The following CFAP20DC variants were observed in gnomAD, a reference collection of about 807,000 sequenced individuals.
CFAP20DC encodes the protein protein CFAP20DC.
CFAP20DC carries 84 observed loss-of-function variants against 101.7 expected under a neutral mutation model. The ratio of observed to expected loss-of-function variants is 0.83; its 90% CI spans 0.69 to 0.99. The LOEUF is 0.99. Ranked by LOEUF, CFAP20DC falls within the 50% of genes least tolerant of loss-of-function variation. The pLI is 0.00. For missense variants in CFAP20DC, 1,007 were observed against 970.3 expected (o/e 1.04, Z -0.50); for synonymous variants, 359 against 351.2 (o/e 1.02, Z -0.25).
At chr3:58,984,564 T>G (rs1210194125) in intron 4 of CFAP20DC, among the ~76,000 whole-genome samples, 3 of 152,188 alleles carry the variant, frequency 2.0e-5, no homozygotes, top group Non-Finnish European at 4.4e-5. Context: ...AGCTTACAGT[T>G]GAGAAGTAAT....
intron 7 of CFAP20DC, among the ~76,000 whole-genome samples, chr3:58,871,496 C>T (rs2080211503): frequency 6.6e-6 from 1 of 151,208 alleles, no homozygotes; most frequent in African/African-American, 2.4e-5. Context: ...CATACCCTGT[C>T]GTTATATGGG....
intron 16 of CFAP20DC, among the ~76,000 whole-genome samples, chr3:58,744,853 G>T (rs1265888330): frequency 6.6e-6 from 1 of 152,166 alleles, no homozygotes; most frequent in Non-Finnish European, 1.5e-5. Flanking sequence ...GTGAAGCAGA[G>T]AGTGGGGCAA....
chr3:58,846,217 T>A (rs1374138285), intron 13 of CFAP20DC, among the ~76,000 whole-genome samples: 22 of 151,360 alleles, frequency 1.5e-4, no homozygotes, highest in African/African-American at 4.6e-4. Context: ...AAAGAGGAAG[T>A]CAAATTGTCC....
intron 13 of CFAP20DC, among the ~76,000 whole-genome samples, chr3:58,848,023 G>C (rs1271635417): frequency 1.8e-5 from 2 of 112,486 alleles, no homozygotes; most frequent in Non-Finnish European, 3.7e-5. Context: ...GTTGTGGGGT[G>C]GGGGGAGGGG....
chr3:58,890,408 C>T (rs1208825645), intron 6 of CFAP20DC, among the ~76,000 whole-genome samples: 5 of 145,128 alleles, frequency 3.4e-5, no homozygotes, highest in East Asian at 2.1e-4. Context: ...CCTCACCTCC[C>T]GGACGGGGTG....
chr3:58,808,357 G>T (rs556564462), intron 14 of CFAP20DC, among the ~76,000 whole-genome samples: 110 of 152,350 alleles, frequency 7.2e-4, no homozygotes, highest in African/African-American at 2.6e-3. Context: ...CAGACTAACA[G>T]CTGATCTCTC....
intron 4 of CFAP20DC, among the ~76,000 whole-genome samples, chr3:58,938,917 A>C (rs1576399319): frequency 6.6e-6 from 1 of 152,208 alleles, no homozygotes; most frequent in Non-Finnish European, 1.5e-5. Flanking sequence ...ACGTCTTTCA[A>C]TCCATAGTCA....
Position 59,015,812 on chromosome 3 carries a change from G to A in CFAP20DC, c.278+23745C>T, listed in dbSNP as rs116655827. Among the ~76,000 whole-genome samples the A allele has an allele frequency of 7.9e-4, 120 of 152,258 alleles. No individual in the cohort carries two copies. Among genetic ancestry groups the A allele is most frequent in the African/African-American group, 2.8e-3 (117 of 41,556 alleles). On this transcript the variant is annotated intron_variant, in intron 4 of 16. Transcript: ENST00000482387. This position sits in a 1 kb window ranked among gnomAD's most constrained non-coding sequence, Gnocchi z 5.4. ...CCCAAGGCTAAACAAAAGAGATGGA[G>A]GCTGTAGAGCTGGGGACAACAACCT... is the stretch of plus-strand genomic sequence containing the variant.
At chr3:59,022,057 G>C (rs987745738) in intron 4 of CFAP20DC, among the ~76,000 whole-genome samples, 2 of 152,056 alleles carry the variant, frequency 1.3e-5, no homozygotes, top group Non-Finnish European at 2.9e-5. Context: ...TTTTGAAGGG[G>C]AGGAATGGGA....
intron 3 of CFAP20DC, among the ~76,000 whole-genome samples, chr3:58,718,785 G>T (rs970901769): frequency 6.6e-6 from 1 of 152,180 alleles, no homozygotes; most frequent in Non-Finnish European, 1.5e-5. Context: ...CAATTGGCCT[G>T]CTCTTGGTAT....
rs2067514540 is a variant in CFAP20DC at position 58,724,224 on chromosome 3, G to A, written c.198-6596C>T. Among the ~76,000 whole-genome samples the A allele has an allele frequency of 6.6e-6, 1 of 152,194 alleles. No individual in the cohort carries two copies. Among genetic ancestry groups the A allele is most frequent in the Non-Finnish European group, 1.5e-5 (1 of 68,038 alleles). On this transcript the variant is annotated intron_variant, in intron 3 of 3. Transcript: ENST00000486145. The surrounding 1 kb of genome is among the most constrained non-coding windows in gnomAD (Gnocchi z 5.6). Reference sequence around the variant, plus strand: ...ACCACAAAGGTGGTGAAGGCAAACTGGAAAATCACCATGGGGAAGAGACGT... The same window carrying A: ...ACCACAAAGGTGGTGAAGGCAAACTAGAAAATCACCATGGGGAAGAGACGT...
chr3:58,762,253 A>G (rs1177793908), intron 15 of CFAP20DC, among the ~76,000 whole-genome samples: 1 of 152,138 alleles, frequency 6.6e-6, no homozygotes, highest in Non-Finnish European at 1.5e-5. Context: ...TAGGATAGTT[A>G]GCTCTTCTTA....
chr3:58,807,382 G>C (rs907932710), intron 14 of CFAP20DC, among the ~76,000 whole-genome samples: 7 of 152,166 alleles, frequency 4.6e-5, no homozygotes, highest in African/African-American at 1.2e-4. Context: ...CCAGAGGAAC[G>C]ATCAGACAGC....
downstream of CFAP20DC, among the ~76,000 whole-genome samples, chr3:58,740,888 T>G (rs1208233127): frequency 1.3e-5 from 2 of 152,216 alleles, no homozygotes; most frequent in Non-Finnish European, 2.9e-5. The surrounding 1 kb of genome is among the most constrained non-coding windows in gnomAD (Gnocchi z 4.6). Context: ...TTTATCATTT[T>G]GCATGCTTTG....
At chr3:58,758,586 G>A (rs1249874561) in intron 15 of CFAP20DC, among the ~76,000 whole-genome samples, 4 of 151,918 alleles carry the variant, frequency 2.6e-5, no homozygotes, top group Non-Finnish European at 5.9e-5. Flanking sequence ...TGTGCACAAC[G>A]TGCAGGTTTG....
chr3:58,863,877 G>A lies in CFAP20DC; in HGVS notation c.1274C>T (p.Pro425Leu). 6.2e-7 allele frequency: 1 copy of A among 1,610,166 alleles called. No homozygotes were observed. Among genetic ancestry groups the A allele is most frequent in the Non-Finnish European group, 8.5e-7 (1 of 1,177,742 alleles). The change falls in exon 12 of 17, where the codon CCT (proline) becomes CTT (leucine). Residue 425 changes from proline (P) to leucine (L), a missense_variant. Coordinates refer to ENST00000482387, the MANE Select transcript of CFAP20DC (RefSeq NM_001394063.1). The surrounding 1 kb of genome is among the most constrained non-coding windows in gnomAD (Gnocchi z 5.9). ...ATATGAAATGTGATCAGCATTTTCA[G>A]GAAAAATCCACTCATCTGACAGTTG... ...SPDQSDEWIF[P>L]ENADHISYLA...
At chr3:58,908,566 T>C (rs574593580) in intron 6 of CFAP20DC, among the ~76,000 whole-genome samples, 28 of 152,284 alleles carry the variant, frequency 1.8e-4, no homozygotes, top group African/African-American at 6.3e-4. Context: ...TGAAATATGG[T>C]ACAGCCACTT....
rs1237708432 is a variant in CFAP20DC at position 59,007,122 on chromosome 3, C to T, written c.278+32435G>A. 6.6e-6 allele frequency among the ~76,000 whole-genome samples: 1 copy of T among 152,136 alleles called. No individual in the cohort carries two copies. Among genetic ancestry groups the T allele is most frequent in the Non-Finnish European group, 1.5e-5 (1 of 68,034 alleles). Reference sequence around the variant, plus strand: ...TGCACAGCAGAGGTAGCCATACTTCCCTCTGGAACAAAACCCCATTGGCCT... The same window carrying T: ...TGCACAGCAGAGGTAGCCATACTTCTCTCTGGAACAAAACCCCATTGGCCT... On this transcript the variant is annotated intron_variant, in intron 4 of 16. Coordinates refer to ENST00000482387, the MANE Select transcript of CFAP20DC (RefSeq NM_001394063.1). This position sits in a 1 kb window ranked among gnomAD's most constrained non-coding sequence, Gnocchi z 4.4.
intron 7 of CFAP20DC, among the ~76,000 whole-genome samples, chr3:58,872,059 T>C (rs1379269746): frequency 6.6e-6 from 1 of 152,196 alleles, no homozygotes; most frequent in Non-Finnish European, 1.5e-5. Context: ...TGAGGGGTTC[T>C]TTGTGACTGC....
Sources: gnomAD v4.1 joint callset for allele counts (sites outside exome capture counted in the v4.1 genomes callset) on GRCh38, gnomAD v4.1.1 for gene constraint, Gnocchi (gnomAD v3.1) non-coding constraint, MANE v1.5 for transcripts, NCBI Gene and HGNC (gene_info 2026-07-23, HGNC 2026-07-21) for gene names.